Variants in PRR16 observed in about 807,000 individuals in gnomAD.
PRR16 encodes the protein protein Largen.
In PRR16, 6 loss-of-function variants were observed where a neutral mutation model predicts 18.2. The observed-to-expected ratio is 0.33, with a 90% CI of 0.18 to 0.65. The LOEUF (loss-of-function observed/expected upper bound fraction) is 0.65, where lower values mean the gene tolerates loss of function less well. Among genes scored for constraint, PRR16 ranks in the 30% least tolerant of loss-of-function variants. The probability of loss-of-function intolerance (pLI) is 0.74; values close to 1 mark genes in which losing one functional copy is unlikely to be tolerated. For synonymous variants in PRR16, 151 were observed against 147.8 expected (o/e 1.02, Z -0.16); for missense variants, 412 against 376.6 (o/e 1.09, Z -0.78).
chr5:120,725,428 G>A, the PRR16 span, among the ~76,000 whole-genome samples: 2 of 151,860 alleles, frequency 1.3e-5, no homozygotes, highest in East Asian at 3.9e-4. Context: ...GTCCAAGGCA[G>A]GAGGAACACT....
the PRR16 span, among the ~76,000 whole-genome samples, chr5:120,750,987 T>G: frequency 6.6e-6 from 1 of 152,156 alleles, no homozygotes; most frequent in Non-Finnish European, 1.5e-5. Context: ...CTATTCTCTG[T>G]CTCCATGAGA....
chr5:120,655,720 A>G (rs1316163433), intron 1 of PRR16, among the ~76,000 whole-genome samples: 2 of 97,216 alleles, frequency 2.1e-5, no homozygotes, highest in South Asian at 4.3e-4. Context: ...GATGATAGCA[A>G]TTGACTTTTT....
intron 1 of PRR16, among the ~76,000 whole-genome samples, chr5:120,608,136 GA>G (rs768622983): frequency 2.6e-5 from 4 of 152,084 alleles, no homozygotes; most frequent in Non-Finnish European, 4.4e-5. Flanking sequence ...TTTGTTTCCT[GA>G]TAATATACCC....
At chr5:120,695,495 C>T in the PRR16 span, among the ~76,000 whole-genome samples, 1 of 152,098 alleles carries the variant, frequency 6.6e-6, no homozygotes, top group Non-Finnish European at 1.5e-5. Flanking sequence ...CTCAGATGGG[C>T]TTTTATCATC....
chr5:120,470,003 A>G (rs1249179725), intron 1 of PRR16, among the ~76,000 whole-genome samples: 3 of 152,196 alleles, frequency 2.0e-5, no homozygotes, highest in Non-Finnish European at 2.9e-5. Flanking sequence ...TTTCATTATT[A>G]CCTGGATTAT....
At chr5:120,569,571 G>A (rs1447025824) in intron 1 of PRR16, among the ~76,000 whole-genome samples, 1 of 152,158 alleles carries the variant, frequency 6.6e-6, no homozygotes, top group Non-Finnish European at 1.5e-5. Context: ...TTACAGGTTG[G>A]ATGAAGGGAC....
At chr5:120,751,049 T>C in the PRR16 span, among the ~76,000 whole-genome samples, 2 of 152,198 alleles carry the variant, frequency 1.3e-5, no homozygotes, top group Non-Finnish European at 2.9e-5. Context: ...TTTGTCTTTC[T>C]GTGACTTGCT....
chr5:120,685,911 T>C, intron 1 of PRR16, 43 bp from the exon 2 acceptor site: 2 of 1,557,486 alleles, frequency 1.3e-6, no homozygotes, highest in Non-Finnish European at 1.7e-6. Context: ...GTATACTTTG[T>C]TTGGGTCATT....
the PRR16 span, among the ~76,000 whole-genome samples, chr5:120,755,262 G>A: frequency 2.0e-4 from 30 of 151,646 alleles, no homozygotes; most frequent in African/African-American, 5.3e-4. Flanking sequence ...AGATTCAAGG[G>A]ATGCATGTTT....
chr5:120,754,606 T>C, the PRR16 span, among the ~76,000 whole-genome samples: 1 of 70,450 alleles, frequency 1.4e-5, no homozygotes, highest in Non-Finnish European at 2.6e-5. Flanking sequence ...TATATATCGT[T>C]ATATATTATT....
intron 1 of PRR16, among the ~76,000 whole-genome samples, chr5:120,603,014 C>G (rs997825321): frequency 2.0e-5 from 3 of 151,872 alleles, no homozygotes; most frequent in Non-Finnish European, 4.4e-5. Flanking sequence ...GGAATATTGG[C>G]CTGCAGTTTC....
the PRR16 span, among the ~76,000 whole-genome samples, chr5:120,763,444 T>C: frequency 6.6e-6 from 1 of 152,124 alleles, no homozygotes; most frequent in Admixed American, 6.6e-5. Context: ...TGCAATAATG[T>C]TTTTATTACT....
At chr5:120,668,453 C>T (rs1756473861) in intron 1 of PRR16, among the ~76,000 whole-genome samples, 4 of 151,148 alleles carry the variant, frequency 2.6e-5, no homozygotes, top group South Asian at 2.1e-4. Context: ...AGTCCATTTA[C>T]ATTTAAAGTT....
At position 120,666,604 on chromosome 5, in the gene PRR16, G is replaced by A. The variant is rs912219104; in HGVS notation, c.160-19350G>A. Among the ~76,000 whole-genome samples the A allele has an allele frequency of 5.3e-5, 8 of 151,986 alleles. No homozygotes were observed. In the East Asian group the frequency reaches 9.7e-4, roughly 18 times the overall value. ...GATATTGGCTGTGGGTTTGTCATAG[G>A]TAGCTCTTATTATTTTGAGCTATGT... On this transcript the variant is annotated intron_variant, in intron 1 of 1. Transcript: ENST00000407149.
intron 1 of PRR16, among the ~76,000 whole-genome samples, chr5:120,641,646 T>G (rs1468692480): frequency 6.6e-6 from 1 of 152,084 alleles, no homozygotes; most frequent in Non-Finnish European, 1.5e-5. Flanking sequence ...CTTGACTACC[T>G]TGGGCTTCAA....
chr5:120,599,404 A>G (rs62376428), intron 1 of PRR16, among the ~76,000 whole-genome samples: 32,732 of 151,816 alleles, frequency 0.22, 4,263 homozygotes, highest in Middle Eastern at 0.38. Context: ...AATTCTTTCA[A>G]TTAAATTTAT....
At chr5:120,598,821 A>G (rs1225091694) in intron 1 of PRR16, among the ~76,000 whole-genome samples, 4 of 151,872 alleles carry the variant, frequency 2.6e-5, no homozygotes, top group African/African-American at 9.7e-5. Context: ...TTTTTATCCA[A>G]TACCCAGCAG....
At chr5:120,494,311 C>T (rs577418568) in intron 1 of PRR16, among the ~76,000 whole-genome samples, 1 of 151,990 alleles carries the variant, frequency 6.6e-6, no homozygotes, top group South Asian at 2.1e-4. Flanking sequence ...TGCTTATATG[C>T]TGTACACATA....
At chr5:120,472,677 G>C (rs190122608) in intron 1 of PRR16, among the ~76,000 whole-genome samples, 183 of 151,528 alleles carry the variant, frequency 1.2e-3, no homozygotes, top group Non-Finnish European at 1.3e-3. Context: ...CCTACAAAAA[G>C]AAAAAAAAGA....
Sources: allele counts gnomAD v4.1 joint callset (sites outside exome capture counted in the v4.1 genomes callset), GRCh38; gene constraint gnomAD v4.1.1; transcripts MANE v1.5; gene names NCBI Gene and HGNC (gene_info 2026-07-23, HGNC 2026-07-21).